ENTREP2: variants seen among roughly 807,000 people sequenced by gnomAD.
ENTREP2 encodes endosomal transmembrane epsin interactor 2, also known as protein ENTREP2.
chr15:29,612,971 G>A, the ENTREP2 span: 1 of 152,206 alleles, frequency 6.6e-6, no homozygotes, highest in Admixed American at 6.5e-5. Context: ...TGGAGTATAC[G>A]CAGAACGAGA....
At chr15:29,647,363 G>A in the ENTREP2 span, among the ~76,000 whole-genome samples, 3 of 152,078 alleles carry the variant, frequency 2.0e-5, no homozygotes, top group Non-Finnish European at 2.9e-5. Context: ...TCTATGTATC[G>A]CCTTTTTACA....
the ENTREP2 span, among the ~76,000 whole-genome samples, chr15:29,667,115 G>C: frequency 6.6e-6 from 1 of 152,048 alleles, no homozygotes; most frequent in East Asian, 1.9e-4. Flanking sequence ...CTTCTGTGAA[G>C]ACCCTATTTC....
chr15:29,457,455 G>A, the ENTREP2 span, among the ~76,000 whole-genome samples: 1 of 152,188 alleles, frequency 6.6e-6, no homozygotes, highest in African/African-American at 2.4e-5. Flanking sequence ...CTTCCATGGT[G>A]GGAAGGGGCT....
At chr15:29,198,875 G>A in the ENTREP2 span, among the ~76,000 whole-genome samples, 1 of 152,116 alleles carries the variant, frequency 6.6e-6, no homozygotes, top group African/African-American at 2.4e-5. Flanking sequence ...TTTAGTATTT[G>A]GCATCTTTCA....
chr15:29,495,006 G>A, the ENTREP2 span, among the ~76,000 whole-genome samples: 3 of 152,146 alleles, frequency 2.0e-5, no homozygotes, highest in Non-Finnish European at 1.5e-5. Context: ...CAGTGTACAT[G>A]GGGGTGTAGA....
the ENTREP2 span, among the ~76,000 whole-genome samples, chr15:29,163,094 C>A: frequency 9.2e-3 from 1,399 of 152,278 alleles, 20 homozygotes; most frequent in African/African-American, 0.031. Context: ...AGGAAGCCAC[C>A]TCCATAGGAA....
At chr15:29,127,239 C>T in the ENTREP2 span, among the ~76,000 whole-genome samples, 3 of 152,126 alleles carry the variant, frequency 2.0e-5, no homozygotes, top group Non-Finnish European at 4.4e-5. Flanking sequence ...ACCATCTCCA[C>T]GGGGTGTGCA....
chr15:29,246,764 A>C, the ENTREP2 span, among the ~76,000 whole-genome samples: 12 of 152,244 alleles, frequency 7.9e-5, no homozygotes, highest in African/African-American at 2.4e-4. Flanking sequence ...CTTTTAACTT[A>C]TCCTTCATTA....
chr15:29,142,326 C>T, the ENTREP2 span, among the ~76,000 whole-genome samples: 9 of 152,304 alleles, frequency 5.9e-5, no homozygotes, highest in Admixed American at 3.3e-4. Context: ...GCATATCTGA[C>T]GTCAAAGAAA....
At chr15:29,278,099 C>T in the ENTREP2 span, among the ~76,000 whole-genome samples, 1 of 152,112 alleles carries the variant, frequency 6.6e-6, no homozygotes, top group East Asian at 1.9e-4. Flanking sequence ...TTTACACAGG[C>T]CCCGCCTCTC....
At chr15:29,644,581 T>C in the ENTREP2 span, among the ~76,000 whole-genome samples, 1 of 151,844 alleles carries the variant, frequency 6.6e-6, no homozygotes, top group African/African-American at 2.4e-5. Context: ...GGCGGGTGGA[T>C]TGCCTGAGCT....
At chr15:29,492,085 G>C in the ENTREP2 span, among the ~76,000 whole-genome samples, 1 of 149,976 alleles carries the variant, frequency 6.7e-6, no homozygotes, top group Non-Finnish European at 1.5e-5. Context: ...TTTCTAGCTT[G>C]TGGGTTTCAG....
chr15:29,478,453 T>C, the ENTREP2 span, among the ~76,000 whole-genome samples: 3 of 152,288 alleles, frequency 2.0e-5, no homozygotes, highest in East Asian at 5.8e-4. Flanking sequence ...GCGTGTGTGA[T>C]GTAGTTTGGA....
the ENTREP2 span, among the ~76,000 whole-genome samples, chr15:29,657,088 C>T: frequency 2.6e-5 from 4 of 152,126 alleles, no homozygotes; most frequent in Non-Finnish European, 4.4e-5. Flanking sequence ...CCCGCTGTTC[C>T]TCACGCCAGA....
chr15:29,292,162 C>T, the ENTREP2 span, among the ~76,000 whole-genome samples: 1 of 152,198 alleles, frequency 6.6e-6, no homozygotes, highest in Non-Finnish European at 1.5e-5. Context: ...ACTTTGCCAG[C>T]ACTTTCATGT....
At chr15:29,382,474 C>T in the ENTREP2 span, among the ~76,000 whole-genome samples, 1 of 152,006 alleles carries the variant, frequency 6.6e-6, no homozygotes, top group African/African-American at 2.4e-5. Context: ...CTCATCACAG[C>T]TTCCCACCTC....
chr15:29,525,274 A>C, the ENTREP2 span, among the ~76,000 whole-genome samples: 1 of 152,372 alleles, frequency 6.6e-6, no homozygotes, highest in Non-Finnish European at 1.5e-5. Flanking sequence ...AACTGAAAAC[A>C]TGTGTTCACT....
chr15:29,285,495 AACAC>A, the ENTREP2 span, among the ~76,000 whole-genome samples: 1 of 152,250 alleles, frequency 6.6e-6, no homozygotes, highest in Non-Finnish European at 1.5e-5. Flanking sequence ...TTCCTAGAAA[AACAC>A]AACCAAGAAA....
the ENTREP2 span, among the ~76,000 whole-genome samples, chr15:29,655,157 C>T: frequency 0.017 from 2,540 of 152,230 alleles, 68 homozygotes; most frequent in African/African-American, 0.058. Flanking sequence ...ATGATGGCCC[C>T]AATTCTTCAT....
Sources: allele counts gnomAD v4.1 joint callset (sites outside exome capture counted in the v4.1 genomes callset), GRCh38; gene constraint gnomAD v4.1.1; transcripts MANE v1.5; gene names NCBI Gene and HGNC (gene_info 2026-07-23, HGNC 2026-07-21).